PDE4D: variants seen among roughly 807,000 people sequenced by gnomAD.
PDE4D encodes the protein 3',5'-cyclic-AMP phosphodiesterase 4D.
Under a neutral mutation model 87.4 loss-of-function variants are expected in PDE4D, and 24 were observed. The ratio of observed to expected loss-of-function variants is 0.27; its 90% CI spans 0.20 to 0.39. PDE4D has a LOEUF of 0.39. Among genes scored for constraint, PDE4D ranks in the 10% least tolerant of loss-of-function variants. The probability of loss-of-function intolerance (pLI) is 1.00; values close to 1 mark genes in which losing one functional copy is unlikely to be tolerated. For synonymous variants in PDE4D, 384 were observed against 383.2 expected (o/e 1.00, Z -0.02); for missense variants, 714 against 1,041.0 (o/e 0.69, Z 4.32).
intron 1 of PDE4D, among the ~76,000 whole-genome samples, chr5:59,370,640 T>C (rs1783797545): frequency 6.6e-6 from 1 of 152,222 alleles, no homozygotes; most frequent in Non-Finnish European, 1.5e-5. Context: ...TGAATGTGTT[T>C]ATGTATTTCA....
At chr5:59,860,639 G>C (rs2152727369) in intron 1 of PDE4D, among the ~76,000 whole-genome samples, 1 of 152,226 alleles carries the variant, frequency 6.6e-6, no homozygotes, top group East Asian at 1.9e-4. Flanking sequence ...AATGAAATCT[G>C]AGAATCACAT....
intron 2 of PDE4D, among the ~76,000 whole-genome samples, chr5:60,044,619 GT>G (rs1416111434): frequency 6.6e-6 from 1 of 151,884 alleles, no homozygotes; most frequent in African/African-American, 2.4e-5. Flanking sequence ...GCGGTGTTTG[GT>G]TTTTTGTTCT....
At chr5:59,242,692 C>A (rs148367623) in intron 1 of PDE4D, among the ~76,000 whole-genome samples, 1 of 152,104 alleles carries the variant, frequency 6.6e-6, no homozygotes, top group African/African-American at 2.4e-5. Context: ...TTACTGTGTG[C>A]TGTAGACTGT....
At chr5:59,093,920 T>C (rs545510799) in intron 5 of PDE4D, among the ~76,000 whole-genome samples, 1 of 151,968 alleles carries the variant, frequency 6.6e-6, no homozygotes, top group Non-Finnish European at 1.5e-5. Flanking sequence ...ACATATACCA[T>C]TAAAAAGGAG....
At chr5:60,265,119 C>T (rs1419234266) in intron 1 of PDE4D, among the ~76,000 whole-genome samples, 3 of 152,126 alleles carry the variant, frequency 2.0e-5, no homozygotes, top group Non-Finnish European at 4.4e-5. Flanking sequence ...AGTTCCCACC[C>T]TAGAAATATG....
intron 1 of PDE4D, among the ~76,000 whole-genome samples, chr5:60,398,536 C>A (rs985306177): frequency 6.6e-6 from 1 of 152,090 alleles, no homozygotes; most frequent in Non-Finnish European, 1.5e-5. Context: ...ATAGAGTTAG[C>A]TATCGAAGGG....
chr5:59,381,138 GAATACT>G (rs1785739428), intron 1 of PDE4D, among the ~76,000 whole-genome samples: 1 of 152,076 alleles, frequency 6.6e-6, no homozygotes. Flanking sequence ...TCAACCCCCG[GAATACT>G]AGTTAAAACA....
chr5:59,830,799 T>C (rs553545778), intron 1 of PDE4D, among the ~76,000 whole-genome samples: 3 of 152,252 alleles, frequency 2.0e-5, no homozygotes, highest in Admixed American at 1.3e-4. Flanking sequence ...TGAGAATTGT[T>C]ATTTTAATTG....
Position 59,504,902 on chromosome 5 carries a change from ATGTGTGTGTG to A in PDE4D, c.456-288944_456-288935del, listed in dbSNP as rs61507201. Among the ~76,000 whole-genome samples, 1,386 of 145,690 alleles carry A rather than the reference ATGTGTGTGTG, an allele frequency of 9.5e-3. 14 individuals carry two copies. Among genetic ancestry groups the A allele is most frequent in the African/African-American group, 0.026 (1,014 of 39,526 alleles). ...TTTCATACTTTCTTGGTAGGGGTATATGTGTGTGTGTGTGTGTGTGTGTGTGTGTGTGTGT... is the reference window on the plus strand; with the variant it reads ...TTTCATACTTTCTTGGTAGGGGTATATGTGTGTGTGTGTGTGTGTGTGTGT... On this transcript the variant is annotated intron_variant, in intron 1 of 14. Coordinates refer to ENST00000340635, the MANE Select transcript of PDE4D (RefSeq NM_001104631.2).
intron 1 of PDE4D, among the ~76,000 whole-genome samples, chr5:59,597,045 CT>C (rs1826792435): frequency 1.3e-5 from 2 of 152,058 alleles, no homozygotes; most frequent in Admixed American, 1.3e-4. Flanking sequence ...TTCAGTTTTC[CT>C]AATCCAATAG....
chr5:59,302,444 A>G (rs757272546), intron 1 of PDE4D, among the ~76,000 whole-genome samples: 47 of 152,174 alleles, frequency 3.1e-4, no homozygotes, highest in Non-Finnish European at 5.3e-4. Context: ...TAAGTTCTTT[A>G]GTGGTGATTT....
At chr5:59,385,983 A>G (rs1786896794) in intron 1 of PDE4D, among the ~76,000 whole-genome samples, 1 of 152,154 alleles carries the variant, frequency 6.6e-6, no homozygotes, top group Non-Finnish European at 1.5e-5. Flanking sequence ...CCTTTCTGAG[A>G]ACATTTCTCT....
At chr5:59,625,468 G>A (rs1830792900) in intron 1 of PDE4D, among the ~76,000 whole-genome samples, 1 of 150,722 alleles carries the variant, frequency 6.6e-6, no homozygotes, top group African/African-American at 2.4e-5. Flanking sequence ...AACCAGCCCT[G>A]TTATCCTGAA....
intron 6 of PDE4D, among the ~76,000 whole-genome samples, chr5:58,997,131 C>T (rs958373699): frequency 5.9e-5 from 9 of 152,124 alleles, no homozygotes; most frequent in African/African-American, 2.2e-4. Context: ...AATTCTGAAG[C>T]GTACATTAAG....
chr5:60,220,517 G>T (rs1003474630), intron 1 of PDE4D, among the ~76,000 whole-genome samples: 1 of 152,052 alleles, frequency 6.6e-6, no homozygotes, highest in Non-Finnish European at 1.5e-5. Context: ...GTCTAGTAAG[G>T]CCTAGATATT....
At chr5:60,409,822 T>G (rs1221664724) in intron 1 of PDE4D, among the ~76,000 whole-genome samples, 2 of 152,194 alleles carry the variant, frequency 1.3e-5, no homozygotes, top group Non-Finnish European at 2.9e-5. Flanking sequence ...AAATGAAGAT[T>G]TGGCCTAGAA....
chr5:60,294,273 G>A (rs1178078311), intron 1 of PDE4D, among the ~76,000 whole-genome samples: 2 of 152,020 alleles, frequency 1.3e-5, no homozygotes, highest in Non-Finnish European at 2.9e-5. Context: ...TTTTTATTGA[G>A]CTATTTTCTT....
At position 59,352,828 on chromosome 5, in the gene PDE4D, C is replaced by T. The variant is rs553480058; in HGVS notation, c.456-136860G>A. 6.6e-5 allele frequency among the ~76,000 whole-genome samples: 10 copies of T among 152,194 alleles called. No individual in the cohort carries two copies. In the Middle Eastern group the frequency reaches 0.031, roughly 469 times the overall value. On this transcript the variant is annotated intron_variant, in intron 1 of 14. Coordinates refer to ENST00000340635, the MANE Select transcript of PDE4D (RefSeq NM_001104631.2). Reference sequence around the variant, plus strand: ...CTATGTCATATCAAATAAATTTACTCATTAGACCTTCTACACGAGGTACAA... The same window carrying T: ...CTATGTCATATCAAATAAATTTACTTATTAGACCTTCTACACGAGGTACAA...
At chr5:60,346,288 G>C (rs1161241500) in intron 1 of PDE4D, among the ~76,000 whole-genome samples, 1 of 152,142 alleles carries the variant, frequency 6.6e-6, no homozygotes, top group Non-Finnish European at 1.5e-5. Flanking sequence ...TGACAGTCCA[G>C]AGCATGTCAG....
Sources: gnomAD v4.1 joint callset for allele counts (sites outside exome capture counted in the v4.1 genomes callset) on GRCh38, gnomAD v4.1.1 for gene constraint, MANE v1.5 for transcripts, NCBI Gene and HGNC (gene_info 2026-07-23, HGNC 2026-07-21) for gene names.